ROBO2: variants seen among roughly 807,000 people sequenced by gnomAD.
The protein encoded by ROBO2 is roundabout homolog 2.
In ROBO2, 53 loss-of-function variants were observed where a neutral mutation model predicts 160.8. That is an observed-to-expected ratio of 0.33 (90% confidence interval 0.26 to 0.41). The LOEUF (loss-of-function observed/expected upper bound fraction) is 0.41. Among genes scored for constraint, ROBO2 ranks in the 10% least tolerant of loss-of-function variants. ROBO2 has a pLI of 1.00. For missense variants in ROBO2, 1,577 were observed against 1,722.4 expected (o/e 0.92, Z 1.49); for synonymous variants, 664 against 611.7 (o/e 1.09, Z -1.26).
intron 2 of ROBO2, among the ~76,000 whole-genome samples, chr3:77,405,564 G>T (rs971319358): frequency 4.6e-5 from 7 of 151,906 alleles, no homozygotes; most frequent in Non-Finnish European, 7.4e-5. Context: ...AAAATGTTTA[G>T]AAGTCAGAAT....
intron 1 of ROBO2, among the ~76,000 whole-genome samples, chr3:77,089,993 C>G (rs916897231): frequency 2.6e-5 from 4 of 152,096 alleles, no homozygotes; most frequent in Non-Finnish European, 5.9e-5. Flanking sequence ...ATGTTTCCTT[C>G]AGTGAAGGAA....
At chr3:76,965,087 T>C (rs181033367) in intron 2 of ROBO2, among the ~76,000 whole-genome samples, 3 of 152,324 alleles carry the variant, frequency 2.0e-5, no homozygotes, top group African/African-American at 7.2e-5. Context: ...CAAGAGTAGG[T>C]GGACATCATC....
chr3:76,801,611 G>T (rs1024665111), intron 2 of ROBO2, among the ~76,000 whole-genome samples: 2 of 151,762 alleles, frequency 1.3e-5, no homozygotes, highest in Non-Finnish European at 2.9e-5. Context: ...GAATATCGCG[G>T]CAGATCTTTT....
chr3:77,522,873 T>C (rs751203314), exon 6 of ROBO2: 1 of 1,609,392 alleles, frequency 6.2e-7, no homozygotes, highest in East Asian at 2.2e-5. Context: ...GTTGGAAAAA[T>C]GGAAGCCTCT....
chr3:76,680,837 C>T (rs1018883497), intron 2 of ROBO2, among the ~76,000 whole-genome samples: 8 of 152,066 alleles, frequency 5.3e-5, no homozygotes, highest in East Asian at 1.9e-4. Context: ...AGTGCAGTGG[C>T]GCAATCTCGC....
chr3:76,321,061 G>C (rs1312305605), intron 2 of ROBO2, among the ~76,000 whole-genome samples: 1 of 152,128 alleles, frequency 6.6e-6, no homozygotes, highest in African/African-American at 2.4e-5. Flanking sequence ...CATAATACAA[G>C]TCATCAGAGA....
Position 76,101,820 on chromosome 3 carries a change from A to G in ROBO2, c.109+164218A>G, listed in dbSNP as rs1361663256. Among the ~76,000 whole-genome samples, 577 of 89,708 alleles carry G rather than the reference A, an allele frequency of 6.4e-3. 7 individuals carry two copies. Among genetic ancestry groups the G allele is most frequent in the African/African-American group, 0.021 (477 of 22,758 alleles). The allele number at this position is 89,708 out of a possible 152,430, so 58.9% of individuals were successfully genotyped here. ...CTTCCTGTGTCCCTGTGTTCCCATT[A>G]TACCCCGGGGTGTGATGTTCCCCTT... On this transcript the variant is annotated intron_variant, in intron 2 of 26. Coordinates refer to the ROBO2 transcript ENST00000487694.
chr3:77,082,019 CTA>C (rs2068719068), intron 1 of ROBO2, among the ~76,000 whole-genome samples: 2 of 152,052 alleles, frequency 1.3e-5, no homozygotes, highest in African/African-American at 4.8e-5. Context: ...TGCATAGGCC[CTA>C]TGTTTAAAAA....
intron 2 of ROBO2, among the ~76,000 whole-genome samples, chr3:77,389,793 A>G (rs978057459): frequency 1.3e-5 from 2 of 151,888 alleles, no homozygotes; most frequent in South Asian, 2.1e-4. Context: ...AGACCATGAC[A>G]TTGGCTCACC....
intron 2 of ROBO2, among the ~76,000 whole-genome samples, chr3:76,350,969 A>G (rs73844513): frequency 6.6e-6 from 1 of 151,976 alleles, no homozygotes; most frequent in Non-Finnish European, 1.5e-5. Context: ...TGAAATTGGT[A>G]TATATTTTAA....
At chr3:76,939,775 T>G (rs1250835201) in intron 2 of ROBO2, among the ~76,000 whole-genome samples, 2 of 152,016 alleles carry the variant, frequency 1.3e-5, no homozygotes, top group Admixed American at 1.3e-4. Flanking sequence ...CGGAGCAAGA[T>G]TCTATCTAAA....
intron 2 of ROBO2, among the ~76,000 whole-genome samples, chr3:77,455,170 A>G (rs1462178797): frequency 1.3e-5 from 2 of 152,246 alleles, no homozygotes; most frequent in Non-Finnish European, 1.5e-5. Context: ...AATTACTAGT[A>G]TAAATAGCAA....
intron 2 of ROBO2, among the ~76,000 whole-genome samples, chr3:76,622,805 GTGGTTTCTATTCCCAA>G (rs1465655099): frequency 6.6e-6 from 1 of 152,086 alleles, no homozygotes; most frequent in Non-Finnish European, 1.5e-5. Context: ...GGCTTACAAT[GTGGTTTCTATTCCCAA>G]AAGAGTGCCA....
intron 2 of ROBO2, among the ~76,000 whole-genome samples, chr3:77,200,381 G>T (rs1417781404): frequency 1.4e-5 from 2 of 139,016 alleles, no homozygotes; most frequent in African/African-American, 5.1e-5. Flanking sequence ...TCCAAATCTG[G>T]TTACTTTTGG....
intron 2 of ROBO2, among the ~76,000 whole-genome samples, chr3:76,030,077 A>G (rs2066868983): frequency 1.3e-5 from 2 of 152,136 alleles, no homozygotes; most frequent in Admixed American, 1.3e-4. Flanking sequence ...GTGAGATGGT[A>G]TCTCATTGTG....
intron 2 of ROBO2, among the ~76,000 whole-genome samples, chr3:76,069,459 G>A (rs1245554161): frequency 6.6e-6 from 1 of 151,446 alleles, no homozygotes; most frequent in African/African-American, 2.4e-5. Flanking sequence ...AGCTCTCAAT[G>A]GAATATTGCC....
rs988770839 is a variant in ROBO2, at chr3:76,283,437, G to A, written c.109+345835G>A. ...CTTGCTTTCTCTAGTCATTTCTTAGGCCCTGGCAGCCTTTTGATGTCTCAA... is the reference window on the plus strand; with the variant it reads ...CTTGCTTTCTCTAGTCATTTCTTAGACCCTGGCAGCCTTTTGATGTCTCAA... On this transcript the variant is annotated intron_variant, in intron 2 of 26. Transcript: ENST00000487694. 2.0e-5 allele frequency among the ~76,000 whole-genome samples: 3 copies of A among 151,454 alleles called. No individual in the cohort carries two copies. In the South Asian group the frequency reaches 6.2e-4, roughly 32 times the overall value.
chr3:76,657,221 C>T (rs559309776), intron 2 of ROBO2, among the ~76,000 whole-genome samples: 44 of 150,726 alleles, frequency 2.9e-4, no homozygotes, highest in Middle Eastern at 7.1e-3. Flanking sequence ...GTCAGGAGAT[C>T]GAGACCATCC....
chr3:76,384,301 G>A (rs2076777489), intron 2 of ROBO2, among the ~76,000 whole-genome samples: 2 of 152,102 alleles, frequency 1.3e-5, no homozygotes, highest in Admixed American at 1.3e-4. Context: ...AAGTAGCTTA[G>A]TTCTGGCTTT....
Sources: gnomAD v4.1 joint callset for allele counts (sites outside exome capture counted in the v4.1 genomes callset) on GRCh38, gnomAD v4.1.1 for gene constraint, MANE v1.5 for transcripts, NCBI Gene and HGNC (gene_info 2026-07-23, HGNC 2026-07-21) for gene names.